The following BCKDHB variants were observed in gnomAD, a reference collection of about 807,000 sequenced individuals.
The protein encoded by BCKDHB is 2-oxoisovalerate dehydrogenase subunit beta, mitochondrial.
BCKDHB carries 41 observed loss-of-function variants against 48.5 expected under a neutral mutation model. The ratio of observed to expected loss-of-function variants is 0.85; its 90% CI spans 0.66 to 1.10. The LOEUF (loss-of-function observed/expected upper bound fraction) is 1.10. BCKDHB is among the 50% of genes least tolerant of loss of function. The pLI, the probability that BCKDHB is intolerant of heterozygous loss-of-function variation, is 0.00. For synonymous variants in BCKDHB, 201 were observed against 174.8 expected, an observed-to-expected ratio of 1.15 and a Z score of -1.18; for missense variants, 496 against 494.2, an observed-to-expected ratio of 1.00 and a Z score of -0.03.
the BCKDHB span, among the ~76,000 whole-genome samples, chr6:80,352,151 G>GTTGTTT: frequency 4.3e-4 from 64 of 147,374 alleles, no homozygotes; most frequent in East Asian, 3.8e-3. Context: ...TGTTGTTGTT[G>GTTGTTT]TTTTTTTTTT....
At chr6:80,265,307 A>G (rs777850885) in intron 8 of BCKDHB, among the ~76,000 whole-genome samples, 1 of 152,152 alleles carries the variant, frequency 6.6e-6, no homozygotes, top group Non-Finnish European at 1.5e-5. Flanking sequence ...GAACTTAAGC[A>G]TCCATTGATA....
chr6:80,294,549 A>G (rs933377965), intron 9 of BCKDHB, among the ~76,000 whole-genome samples: 2 of 152,144 alleles, frequency 1.3e-5, no homozygotes, highest in African/African-American at 4.8e-5. Context: ...TCGCTAAATT[A>G]TTTTCCTAGC....
chr6:80,345,396 C>G lies in BCKDHB; in HGVS notation c.*1592C>G, dbSNP rs1770150821. 6.6e-6 allele frequency: 1 copy of G among 152,106 alleles called. No individual in the cohort carries two copies. The highest frequency in any genetic ancestry group is 2.4e-5 in the African/African-American group (1 of 41,424). 9.4% of individuals were successfully genotyped at this position (152,106 alleles called of 1,614,324 possible). On this transcript the variant is annotated 3_prime_UTR_variant, in exon 10 of 10. Coordinates refer to ENST00000320393, the MANE Select transcript of BCKDHB (RefSeq NM_183050.4). ...AGATCAGAAATGCTAGAATTCTTGA[C>G]TTTTGTGTATGGGTAGTAAATCTAG...
intron 3 of BCKDHB, among the ~76,000 whole-genome samples, chr6:80,159,346 T>TA (rs777412801): frequency 1.7e-4 from 26 of 151,762 alleles, no homozygotes; most frequent in Non-Finnish European, 3.1e-4. Context: ...GAGACTAGAT[T>TA]AAAAAAAAAT....
At chr6:80,239,428 C>T (rs928580298) in intron 8 of BCKDHB, among the ~76,000 whole-genome samples, 28 of 152,134 alleles carry the variant, frequency 1.8e-4, no homozygotes, top group Non-Finnish European at 2.9e-4. Flanking sequence ...TCATATCCTT[C>T]GCCCACTTTT....
intron 3 of BCKDHB, among the ~76,000 whole-genome samples, chr6:80,153,387 G>A (rs1267679682): frequency 6.6e-6 from 1 of 152,026 alleles, no homozygotes; most frequent in African/African-American, 2.4e-5. Flanking sequence ...GCTTATTGTT[G>A]AGTGATTCAA....
At chr6:80,381,123 A>G in the BCKDHB span, among the ~76,000 whole-genome samples, 5 of 151,970 alleles carry the variant, frequency 3.3e-5, no homozygotes, top group Non-Finnish European at 7.4e-5. Flanking sequence ...GATGCTTTCT[A>G]ATCTCCTTTT....
At chr6:80,429,265 G>A in the BCKDHB span, among the ~76,000 whole-genome samples, 1 of 152,158 alleles carries the variant, frequency 6.6e-6, no homozygotes, top group Non-Finnish European at 1.5e-5. Flanking sequence ...TGCTGTTTTT[G>A]TTACTGTAGA....
the BCKDHB span, among the ~76,000 whole-genome samples, chr6:80,379,758 C>A: frequency 2.3e-5 from 1 of 44,426 alleles, no homozygotes; most frequent in African/African-American, 5.7e-5. Context: ...TCTCCGGATA[C>A]GAAATCAATT....
At chr6:80,158,921 A>G (rs1772183238) in intron 3 of BCKDHB, among the ~76,000 whole-genome samples, 1 of 152,212 alleles carries the variant, frequency 6.6e-6, no homozygotes, top group South Asian at 2.1e-4. Context: ...GATTACCTTG[A>G]TGACAGGATT....
At chr6:80,334,713 C>G (rs1051988631) in intron 9 of BCKDHB, among the ~76,000 whole-genome samples, 2 of 151,528 alleles carry the variant, frequency 1.3e-5, no homozygotes, top group African/African-American at 4.8e-5. Flanking sequence ...AAAATAGATT[C>G]CCCCCTCCCC....
chr6:80,307,932 A>G, intron 9 of BCKDHB: 4 of 968,902 alleles, frequency 4.1e-6, no homozygotes, highest in Non-Finnish European at 3.7e-6. Flanking sequence ...GGGCTACTTT[A>G]CATTTTATTC....
chr6:80,204,452 C>G (rs983579092), intron 8 of BCKDHB, among the ~76,000 whole-genome samples: 1 of 151,974 alleles, frequency 6.6e-6, no homozygotes, highest in Non-Finnish European at 1.5e-5. Flanking sequence ...AGTCAGACAC[C>G]GGGTTTTCTT....
chr6:80,138,449 C>T (rs1183778986), intron 3 of BCKDHB, among the ~76,000 whole-genome samples: 1 of 152,002 alleles, frequency 6.6e-6, no homozygotes, highest in Non-Finnish European at 1.5e-5. Context: ...CCCCGTCCCC[C>T]AACCCCACAA....
At chr6:80,435,367 C>G in the BCKDHB span, among the ~76,000 whole-genome samples, 1 of 152,160 alleles carries the variant, frequency 6.6e-6, no homozygotes, top group Non-Finnish European at 1.5e-5. Flanking sequence ...TGGAGACAGA[C>G]AATCCAGGAC....
intron 9 of BCKDHB, among the ~76,000 whole-genome samples, chr6:80,318,047 T>C (rs987276076): frequency 4.6e-5 from 7 of 152,214 alleles, no homozygotes; most frequent in Non-Finnish European, 1.0e-4. Context: ...CTGTACTCTA[T>C]AGAAATGGCA....
chr6:80,351,034 G>A (rs1770378345), downstream of BCKDHB, among the ~76,000 whole-genome samples: 1 of 152,172 alleles, frequency 6.6e-6, no homozygotes. Flanking sequence ...GAAACACTTT[G>A]TTAGAGGCCT....
At chr6:80,208,942 G>A (rs903417330) in intron 8 of BCKDHB, among the ~76,000 whole-genome samples, 1 of 151,630 alleles carries the variant, frequency 6.6e-6, no homozygotes, top group Non-Finnish European at 1.5e-5. Context: ...AACGTATTTA[G>A]GACAGTATAA....
intron 6 of BCKDHB, among the ~76,000 whole-genome samples, chr6:80,199,220 G>A (rs1415893781): frequency 6.6e-6 from 1 of 152,072 alleles, no homozygotes; most frequent in African/African-American, 2.4e-5. Flanking sequence ...TTTACCAAAT[G>A]TAGGAAGAGG....
Sources: gnomAD v4.1 joint callset for allele counts (sites outside exome capture counted in the v4.1 genomes callset) on GRCh38, gnomAD v4.1.1 for gene constraint, MANE v1.5 for transcripts, NCBI Gene and HGNC (gene_info 2026-07-23, HGNC 2026-07-21) for gene names.